PINX1: variants seen among roughly 807,000 people sequenced by gnomAD.
PINX1 encodes PIN2 (TERF1) interacting telomerase inhibitor 1.
Under a neutral mutation model 25.4 loss-of-function variants are expected in PINX1, and 34 were observed. The observed-to-expected ratio is 1.34, with a 90% CI of 1.02 to 1.78. The LOEUF is 1.78. PINX1 is among the 40% of genes most tolerant of loss of function. The pLI is 0.00. For synonymous variants in PINX1, 197 were observed against 147.7 expected (o/e 1.33, Z -2.42); for missense variants, 592 against 404.9 (o/e 1.46, Z -3.97).
In PINX1 at chr8:10,829,545, T is replaced by C. The variant is rs76649273; in HGVS notation, c.301+2120A>G. On this transcript the variant is annotated intron_variant, in intron 4 of 6. Coordinates refer to ENST00000314787, the MANE Select transcript of PINX1 (RefSeq NM_017884.6). ...CAAAGAGGAAATCGAGGTACAGCCA[T>C]GTTCAGCAATTTACCGAATGTCATA... 3.0e-3 allele frequency among the ~76,000 whole-genome samples: 464 copies of C among 152,284 alleles called. 1 individual carries two copies. The highest frequency in any genetic ancestry group is 5.6e-3 in the South Asian group (27 of 4,828).
At chr8:10,802,178 A>G (rs761106106) in intron 6 of PINX1, among the ~76,000 whole-genome samples, 27 of 152,308 alleles carry the variant, frequency 1.8e-4, no homozygotes, top group Admixed American at 1.0e-3. Flanking sequence ...TCCTTGGAAT[A>G]AGTCGAAAAG....
chr8:10,818,896 G>T (rs76801553), intron 6 of PINX1, among the ~76,000 whole-genome samples: 2,448 of 152,324 alleles, frequency 0.016, 76 homozygotes, highest in African/African-American at 0.055. Flanking sequence ...CAGAGGCCAT[G>T]TCCTTGGTGA....
rs879212778 is a variant in PINX1 at position 10,839,873 on chromosome 8, G to C, written c.-117C>G. The C allele has an allele frequency of 1.6e-5, 16 of 1,020,736 alleles. No homozygotes were observed. The South Asian group carries it at 2.1e-4, about 13-fold the overall frequency. The allele number at this position is 1,020,736 out of a possible 1,614,324, so 63.2% of individuals were successfully genotyped here. On this transcript the variant is annotated 5_prime_UTR_variant, in exon 1 of 7. Coordinates refer to ENST00000314787, the MANE Select transcript of PINX1 (RefSeq NM_017884.6). ...ACTCCCTCGCCGGCGGACTGCAGCG[G>C]ACGGGGCGCGTGCTGGTGACGTCAG...
intron 6 of PINX1, among the ~76,000 whole-genome samples, chr8:10,786,570 C>T (rs1367815320): frequency 2.0e-5 from 3 of 152,130 alleles, no homozygotes; most frequent in African/African-American, 7.2e-5. Context: ...TGAGCTACGC[C>T]CCAGAAGGGC....
At chr8:10,825,234 C>G (rs1482291699) in intron 5 of PINX1, 2 of 439,918 alleles carry the variant, frequency 4.5e-6, no homozygotes, top group Admixed American at 2.4e-5. Flanking sequence ...GCTGGCTGTA[C>G]AAGTTAAGAG....
At chr8:10,830,501 A>C (rs984302564) in intron 4 of PINX1, among the ~76,000 whole-genome samples, 1 of 152,218 alleles carries the variant, frequency 6.6e-6, no homozygotes, top group Non-Finnish European at 1.5e-5. Context: ...TGTTTGCTGA[A>C]CTCAAGTCTA....
At chr8:10,839,456 G>A (rs1798502206) in intron 1 of PINX1, among the ~76,000 whole-genome samples, 1 of 152,152 alleles carries the variant, frequency 6.6e-6, no homozygotes, top group Non-Finnish European at 1.5e-5. Context: ...GCCAGTCCCG[G>A]GACCCGGTGT....
intron 6 of PINX1, among the ~76,000 whole-genome samples, chr8:10,778,442 G>A (rs900040070): frequency 1.3e-5 from 2 of 152,006 alleles, no homozygotes; most frequent in African/African-American, 2.4e-5. Context: ...ATGTATCCCC[G>A]TGGCATAGGT....
intron 6 of PINX1, among the ~76,000 whole-genome samples, chr8:10,770,439 C>T (rs569090872): frequency 1.3e-5 from 2 of 152,178 alleles, no homozygotes; most frequent in South Asian, 4.2e-4. Flanking sequence ...TCTCCGGTCC[C>T]TGAAAGATGC....
chr8:10,798,113 T>C lies in PINX1; in HGVS notation c.471+22080A>G, dbSNP rs970555354. On this transcript the variant is annotated intron_variant, in intron 6 of 6. Coordinates refer to ENST00000314787, the MANE Select transcript of PINX1 (RefSeq NM_017884.6). ...TGGAACTGCCCCATCCACACACATG[T>C]TTCTGGGATGTTTGTAGGACACGGG... is the stretch of plus-strand genomic sequence containing the variant. Among the ~76,000 whole-genome samples, 4 of 152,226 alleles carry C rather than the reference T, an allele frequency of 2.6e-5. No homozygotes were observed. In the East Asian group the frequency reaches 5.8e-4, roughly 22 times the overall value.
At chr8:10,789,521 C>T (rs2129075999) in intron 6 of PINX1, among the ~76,000 whole-genome samples, 1 of 152,236 alleles carries the variant, frequency 6.6e-6, no homozygotes, top group East Asian at 1.9e-4. Flanking sequence ...TGCTAGGTCT[C>T]CAGAACTTAC....
intron 6 of PINX1, among the ~76,000 whole-genome samples, chr8:10,806,607 C>T (rs1363899405): frequency 2.0e-5 from 3 of 152,136 alleles, no homozygotes; most frequent in South Asian, 2.1e-4. Context: ...CCTTCAATAA[C>T]GATTTGCTGA....
chr8:10,768,898 A>C (rs938697476), intron 6 of PINX1, among the ~76,000 whole-genome samples: 9 of 152,252 alleles, frequency 5.9e-5, no homozygotes, highest in Non-Finnish European at 1.2e-4. Context: ...AAAGTAAACA[A>C]GTATTGAGAA....
chr8:10,827,771 C>A (rs190346527), intron 4 of PINX1, among the ~76,000 whole-genome samples: 33 of 151,536 alleles, frequency 2.2e-4, no homozygotes, highest in African/African-American at 7.5e-4. Flanking sequence ...ATTAGCCGGG[C>A]GTGGTGGCGG....
chr8:10,789,784 CCACA>C (rs1174649440), intron 6 of PINX1, among the ~76,000 whole-genome samples: 1 of 151,942 alleles, frequency 6.6e-6, no homozygotes, highest in Non-Finnish European at 1.5e-5. Flanking sequence ...ACCACTGAGA[CCACA>C]CACACACACC....
intron 6 of PINX1, among the ~76,000 whole-genome samples, chr8:10,793,130 G>A (rs1012920668): frequency 6.6e-6 from 1 of 152,156 alleles, no homozygotes; most frequent in South Asian, 2.1e-4. Flanking sequence ...ACGAAAGCAT[G>A]ATCTTCCGCT....
At chr8:10,800,700 C>T (rs770727365) in intron 6 of PINX1, among the ~76,000 whole-genome samples, 3 of 152,144 alleles carry the variant, frequency 2.0e-5, no homozygotes, top group South Asian at 4.1e-4. Flanking sequence ...GAACTCCTGA[C>T]CTCAAGTGAT....
chr8:10,834,772 C>T lies in PINX1; in HGVS notation c.23G>A (p.Arg8Gln), dbSNP rs1007162832. Residue 8 changes from arginine to glutamine, a missense_variant, in exon 2 of 7, where the codon CGG (arginine) becomes CAG (glutamine). Transcript: ENST00000314787. MSMLAER[R>Q]RKQKWAVDPQ... ...ATCCACAGCCCACTTCTGCTTCCGC[C>T]GACCTGTAAATGAAAAAGCATTATC... The T allele has an allele frequency of 6.2e-6, 10 of 1,610,272 alleles. No individual in the cohort carries two copies. Among genetic ancestry groups the T allele is most frequent in the Admixed American group, 1.7e-5 (1 of 59,722 alleles).
rs141949334 is a variant in PINX1 at position 10,784,256 on chromosome 8, T to C, written c.472-18340A>G. ...GACTGATTTAACTAAATGAATAATA[T>C]CACTGTTTTACTTTAGAAAGCACAT... On this transcript the variant is annotated intron_variant, in intron 6 of 6. Transcript: ENST00000314787. 7.3e-3 allele frequency among the ~76,000 whole-genome samples: 1,106 copies of C among 152,312 alleles called. 15 individuals carry two copies. The highest frequency in any genetic ancestry group is 0.012 in the Admixed American group (186 of 15,298).
Sources: allele counts gnomAD v4.1 joint callset (sites outside exome capture counted in the v4.1 genomes callset), GRCh38; gene constraint gnomAD v4.1.1; transcripts MANE v1.5; gene names NCBI Gene and HGNC (gene_info 2026-07-23, HGNC 2026-07-21).